Variants in SPTBN4 observed in about 807,000 individuals in gnomAD.
SPTBN4 encodes spectrin beta, non-erythrocytic 4.
Under a neutral mutation model 277.8 loss-of-function variants are expected in SPTBN4, and 96 were observed. That is an observed-to-expected ratio of 0.35 (90% confidence interval 0.29 to 0.41). The LOEUF (loss-of-function observed/expected upper bound fraction) is 0.41, where lower values mean the gene tolerates loss of function less well. Ranked by LOEUF, SPTBN4 falls within the 10% of genes least tolerant of loss-of-function variation. SPTBN4 has a pLI of 1.00. For missense variants in SPTBN4, 3,006 were observed against 3,595.7 expected, an observed-to-expected ratio of 0.84 and a Z score of 4.19; for synonymous variants, 1,481 against 1,580.3, an observed-to-expected ratio of 0.94 and a Z score of 1.49.
chr19:40,485,074 G>A (rs777543865), intron 2 of SPTBN4, among the ~76,000 whole-genome samples: 14 of 151,922 alleles, frequency 9.2e-5, no homozygotes, highest in Non-Finnish European at 1.6e-4. Context: ...AACTCCTGTC[G>A]TCAGGTGATC....
chr19:40,474,724 A>G (rs1217890383), intron 2 of SPTBN4, among the ~76,000 whole-genome samples: 3 of 151,978 alleles, frequency 2.0e-5, no homozygotes, highest in East Asian at 1.9e-4. Flanking sequence ...ATATGGTGAC[A>G]CTACTAAAAA....
intron 6 of SPTBN4, among the ~76,000 whole-genome samples, chr19:40,497,109 C>T (rs1281653861): frequency 1.3e-5 from 2 of 151,430 alleles, no homozygotes; most frequent in Non-Finnish European, 2.9e-5. Context: ...GTACATGTGT[C>T]CTCACACAAC....
At chr19:40,540,382 C>T (rs1367435551) in intron 20 of SPTBN4, among the ~76,000 whole-genome samples, 1 of 151,888 alleles carries the variant, frequency 6.6e-6, no homozygotes, top group Admixed American at 6.6e-5. Context: ...GCATTTACCC[C>T]TCTCCATGCT....
chr19:40,515,982 C>T lies in SPTBN4; in HGVS notation c.2903+534C>T, dbSNP rs184578518. On this transcript the variant is annotated intron_variant, in intron 15 of 35. Coordinates refer to ENST00000598249, the MANE Select transcript of SPTBN4 (RefSeq NM_020971.3). This position sits in a 1 kb window ranked among gnomAD's most constrained non-coding sequence, Gnocchi z 4.1. ...ATATACGTATATATACACATATATA[C>T]GTATATATACACATATATACGTATA... Among the ~76,000 whole-genome samples, 910 of 145,114 alleles carry T rather than the reference C, an allele frequency of 6.3e-3. 18 individuals are homozygous for T. The highest frequency in any genetic ancestry group is 9.8e-3 in the Non-Finnish European group (653 of 66,634).
intron 30 of SPTBN4, chr19:40,567,323 AAAT>A (rs938481844): frequency 2.6e-5 from 4 of 153,398 alleles, no homozygotes; most frequent in African/African-American, 4.8e-5. Flanking sequence ...ATAAATAAAT[AAAT>A]AAATAAATAA....
At chr19:40,549,560 A>T (rs2080895047) in intron 21 of SPTBN4, 147 bp downstream of exon 21, 12 of 610,266 alleles carry the variant, frequency 2.0e-5, no homozygotes. Flanking sequence ...TCATTCATTC[A>T]TTCACACTCA....
At chr19:40,487,623 T>G in intron 2 of SPTBN4, 74 bp from the exon 3 acceptor site, 1 of 1,534,478 alleles carries the variant, frequency 6.5e-7, no homozygotes, top group Non-Finnish European at 8.8e-7. Context: ...GAGCTGGGTC[T>G]GAGCAGGCTT....
At chr19:40,495,509 G>A (rs1323115222) in intron 6 of SPTBN4, among the ~76,000 whole-genome samples, 1 of 152,068 alleles carries the variant, frequency 6.6e-6, no homozygotes, top group Non-Finnish European at 1.5e-5. Flanking sequence ...TTAGCCAGGT[G>A]TGGTGGTGCG....
At position 40,472,621 on chromosome 19, in the gene SPTBN4, G is replaced by A. The variant is rs746549778; in HGVS notation, c.-1G>A. 31 of 1,610,780 alleles carry A rather than the reference G, an allele frequency of 1.9e-5. No individual in the cohort carries two copies. Among genetic ancestry groups the A allele is most frequent in the Non-Finnish European group, 2.5e-5 (29 of 1,178,058 alleles). On this transcript the variant is annotated 5_prime_UTR_variant, in exon 2 of 36. Transcript: ENST00000598249. ...CCTATGTCCAGGCCTCACCTTCCCCGATGGCGCAGGTACCAGGGGAAGTGG... is the reference window on the plus strand; with the variant it reads ...CCTATGTCCAGGCCTCACCTTCCCCAATGGCGCAGGTACCAGGGGAAGTGG...
At position 40,502,570 on chromosome 19, in the gene SPTBN4, G is replaced by A; in HGVS notation, c.1203+63G>A. 2.0e-6 allele frequency: 3 copies of A among 1,488,444 alleles called. No individual in the cohort carries two copies. Among genetic ancestry groups the A allele is most frequent in the Non-Finnish European group, 2.7e-6 (3 of 1,098,506 alleles). The allele number at this position is 1,488,444 out of a possible 1,614,324, so 92.2% of individuals were successfully genotyped here. A position where few individuals can be genotyped will look rare whatever the true frequency, so the allele number is the denominator to read the frequency against. Reference sequence around the variant, plus strand: ...TGTGGAGTTGTATAGGTTGCACACTGCTCAAGGGAATCATTCACATTGTAG... The same window carrying A: ...TGTGGAGTTGTATAGGTTGCACACTACTCAAGGGAATCATTCACATTGTAG... On this transcript the variant is annotated intron_variant, in intron 10 of 35. Coordinates refer to ENST00000598249, the MANE Select transcript of SPTBN4 (RefSeq NM_020971.3). This position sits in a 1 kb window ranked among gnomAD's most constrained non-coding sequence, Gnocchi z 4.9.
rs753944315 is a variant in SPTBN4 at position 40,502,395 on chromosome 19, A to G, written c.1091A>G (p.Gln364Arg). Residue 364 changes from glutamine (Q) to arginine (R), a missense_variant, in exon 10 of 36, where the codon CAG (glutamine) becomes CGG (arginine). By Grantham distance (43) the Gln-to-Arg change is conservative. Transcript: ENST00000598249. The surrounding 1 kb of genome is among the most constrained non-coding windows in gnomAD (Gnocchi z 4.9). ...CTGAGCTCATGCCCCTTCAGGTTCC[A>G]GGAGAAGGGGAACCTAGAGGTGCTG... ...YCTLEKPVKF[Q>R]EKGNLEVLLF... 2 of 1,611,794 alleles carry G rather than the reference A, an allele frequency of 1.2e-6. No individual in the cohort carries two copies. Among genetic ancestry groups the G allele is most frequent in the East Asian group, 4.5e-5 (2 of 44,858 alleles).
intron 2 of SPTBN4, among the ~76,000 whole-genome samples, chr19:40,482,570 A>G (rs867900391): frequency 2.6e-5 from 4 of 152,326 alleles, no homozygotes; most frequent in Middle Eastern, 3.4e-3. Context: ...ATTTCATGAG[A>G]AGCCCAAAAT....
rs748771021 is a variant in SPTBN4 at position 40,484,079 on chromosome 19, A to AT, written c.170-3617dup. Reference sequence around the variant, plus strand: ...GGATTTTATACAGGGCAGACCCTGTATCAAAAAAAAAGAGAGAAAAACAAG... The same window carrying AT: ...GGATTTTATACAGGGCAGACCCTGTATTCAAAAAAAAAGAGAGAAAAACAAG... On this transcript the variant is annotated intron_variant, in intron 2 of 35. Coordinates refer to ENST00000598249, the MANE Select transcript of SPTBN4 (RefSeq NM_020971.3). Among the ~76,000 whole-genome samples the AT allele has an allele frequency of 3.1e-3, 467 of 152,178 alleles. 4 individuals carry two copies. Among genetic ancestry groups the AT allele is most frequent in the Middle Eastern group, 0.01 (3 of 294 alleles).
chr19:40,491,575 C>T (rs1016213833), intron 4 of SPTBN4, among the ~76,000 whole-genome samples: 1 of 151,718 alleles, frequency 6.6e-6, no homozygotes, highest in Admixed American at 6.6e-5. Context: ...AACCCCGTCT[C>T]TACTAAAAAT....
intron 20 of SPTBN4, among the ~76,000 whole-genome samples, chr19:40,546,131 A>G (rs1435544834): frequency 1.3e-5 from 2 of 149,662 alleles, no homozygotes; most frequent in East Asian, 2.0e-4. Context: ...AGGCGGAGGC[A>G]GGAGAATCAC....
At chr19:40,488,882 A>G (rs1468637435) in intron 3 of SPTBN4, among the ~76,000 whole-genome samples, 1 of 151,958 alleles carries the variant, frequency 6.6e-6, no homozygotes, top group Non-Finnish European at 1.5e-5. Context: ...AGGCTGATCT[A>G]GAACTCCTGG....
At chr19:40,533,312 C>T (rs2080698997) in intron 19 of SPTBN4, among the ~76,000 whole-genome samples, 1 of 152,144 alleles carries the variant, frequency 6.6e-6, no homozygotes, top group African/African-American at 2.4e-5. Flanking sequence ...AAGTACTTAA[C>T]ACAAGGCCAC....
At chr19:40,537,373 A>G (rs2080750493) in intron 20 of SPTBN4, among the ~76,000 whole-genome samples, 2 of 152,218 alleles carry the variant, frequency 1.3e-5, no homozygotes, top group South Asian at 4.1e-4. Flanking sequence ...TCTGTATTCA[A>G]TCCATTTCAC....
At position 40,572,100 on chromosome 19, in the gene SPTBN4, C is replaced by A. The variant is rs778529523; in HGVS notation, c.7401C>A (p.Ser2467Arg). 1.2e-6 allele frequency: 2 copies of A among 1,613,136 alleles called. No homozygotes were observed. Among genetic ancestry groups the A allele is most frequent in the Non-Finnish European group, 1.7e-6 (2 of 1,179,574 alleles). Residue 2467 changes from serine (S) to arginine (R), a missense_variant, in exon 34 of 36, where the codon AGC becomes AGA. Physicochemically the swap from Ser to Arg is moderately radical, Grantham distance 110. Coordinates refer to ENST00000598249, the MANE Select transcript of SPTBN4 (RefSeq NM_020971.3). ...ACTCCAAGGGCCCGGCATCCGGGAG[C>A]ACACACGGTGGGGAACCGCTGCTCA... Reference protein sequence around the residue: ...YKDSKGPASGSTHGGEPLLSL... With the variant: ...YKDSKGPASGRTHGGEPLLSL...
Sources: allele counts gnomAD v4.1 joint callset (sites outside exome capture counted in the v4.1 genomes callset), GRCh38; gene constraint gnomAD v4.1.1; non-coding constraint Gnocchi (gnomAD v3.1); transcripts MANE v1.5; gene names NCBI Gene and HGNC (gene_info 2026-07-23, HGNC 2026-07-21).